EEA1: variants seen among roughly 807,000 people sequenced by gnomAD.
The protein encoded by EEA1 is early endosome antigen 1.
A neutral mutation model predicts 209.2 loss-of-function variants in EEA1; 111 were observed. The ratio of observed to expected loss-of-function variants is 0.53; its 90% CI spans 0.45 to 0.62. The LOEUF is 0.62. Ranked by LOEUF, EEA1 falls within the 20% of genes least tolerant of loss-of-function variation. EEA1 has a pLI of 0.00. For synonymous variants in EEA1, 536 were observed against 540.6 expected, an observed-to-expected ratio of 0.99 and a Z score of 0.12; for missense variants, 1,343 against 1,530.8, an observed-to-expected ratio of 0.88 and a Z score of 2.05.
In EEA1 at chr12:92,870,109, C is replaced by A. The variant is rs117731161; in HGVS notation, c.118-5122G>T. ...TTGCAAATAATACCTATCATAGAAA[C>A]CTCCTGGGGTAGAGATTGTACCTTA... On this transcript the variant is annotated intron_variant, in intron 2 of 28. Transcript: ENST00000322349. Among the ~76,000 whole-genome samples the A allele has an allele frequency of 4.5e-4, 69 of 152,220 alleles. 2 individuals are homozygous for A. In the East Asian group the frequency reaches 0.011, roughly 23 times the overall value.
chr12:92,865,092 G>T, intron 2 of EEA1, 105 bp from the exon 3 acceptor site: 2 of 846,208 alleles, frequency 2.4e-6, no homozygotes, highest in Non-Finnish European at 3.3e-6. Context: ...TACCAATGGT[G>T]CCATTAGGTA....
intron 2 of EEA1, chr12:92,884,541 ACAAT>A: frequency 1.3e-6 from 2 of 1,496,694 alleles, no homozygotes; most frequent in Non-Finnish European, 1.8e-6. Context: ...GGCAATTACA[ACAAT>A]CAGTCTTCAA....
intron 17 of EEA1, among the ~76,000 whole-genome samples, chr12:92,810,002 T>C (rs773473133): frequency 2.0e-5 from 3 of 152,186 alleles, no homozygotes; most frequent in Admixed American, 1.3e-4. Context: ...CTAGATGACA[T>C]TGTTGTTCTT....
intron 2 of EEA1, among the ~76,000 whole-genome samples, chr12:92,876,278 T>G (rs1326767708): frequency 6.6e-6 from 1 of 151,868 alleles, no homozygotes; most frequent in Non-Finnish European, 1.5e-5. Context: ...CATCTCCCTA[T>G]GTTGTCCAGG....
rs879899492 is a variant in EEA1, at chr12:92,773,250, G to T, written c.*2761C>A. The T allele has an allele frequency of 2.0e-5, 3 of 151,808 alleles. No homozygotes were observed. Among genetic ancestry groups the T allele is most frequent in the South Asian group, 4.2e-4 (2 of 4,816 alleles). The allele number at this position is 151,808 out of a possible 1,614,324, so 9.4% of individuals were successfully genotyped here. On this transcript the variant is annotated 3_prime_UTR_variant, in exon 29 of 29. Coordinates refer to ENST00000322349, the MANE Select transcript of EEA1 (RefSeq NM_003566.4). ...CTAAACATTTTTATGCAAATGTAAGGTTAAAAAAAAGTGGCTTTAAAGTTC... is the reference window on the plus strand; with the variant it reads ...CTAAACATTTTTATGCAAATGTAAGTTTAAAAAAAAGTGGCTTTAAAGTTC...
chr12:92,848,709 A>G (rs1245227176), intron 9 of EEA1, among the ~76,000 whole-genome samples: 1 of 131,784 alleles, frequency 7.6e-6, no homozygotes, highest in Admixed American at 7.8e-5. Flanking sequence ...AGCAAGTTAT[A>G]TTATATTCTC....
intron 1 of EEA1, among the ~76,000 whole-genome samples, chr12:92,904,261 A>G (rs963225758): frequency 6.6e-6 from 1 of 152,130 alleles, no homozygotes; most frequent in African/African-American, 2.4e-5. Context: ...ATGCCTGGCC[A>G]AAAGTTTTCC....
intron 9 of EEA1, among the ~76,000 whole-genome samples, chr12:92,844,963 A>G (rs182015967): frequency 6.6e-6 from 1 of 152,076 alleles, no homozygotes; most frequent in African/African-American, 2.4e-5. Context: ...AGTAAGAATA[A>G]GAATAGAATT....
chr12:92,862,193 AAG>A (rs1397095022), intron 3 of EEA1, among the ~76,000 whole-genome samples: 2 of 148,318 alleles, frequency 1.3e-5, no homozygotes, highest in East Asian at 4.0e-4. Flanking sequence ...AAATGGGAAG[AAG>A]AGATACAATA....
At chr12:92,888,595 C>CAA (rs905395194) in intron 2 of EEA1, among the ~76,000 whole-genome samples, 1 of 125,272 alleles carries the variant, frequency 8.0e-6, no homozygotes, top group African/African-American at 3.0e-5. Context: ...AACAAACAAA[C>CAA]AAAAAAAAAA....
At chr12:92,807,928 G>A (rs1489090837) in intron 18 of EEA1, among the ~76,000 whole-genome samples, 4 of 152,082 alleles carry the variant, frequency 2.6e-5, no homozygotes, top group African/African-American at 7.2e-5. Context: ...ATACAAAAAT[G>A]TGTATGGAAA....
At chr12:92,847,785 T>G (rs1877444565) in intron 9 of EEA1, among the ~76,000 whole-genome samples, 1 of 152,174 alleles carries the variant, frequency 6.6e-6, no homozygotes, top group Non-Finnish European at 1.5e-5. Context: ...ATTTACTTAA[T>G]CTCATTGCCT....
chr12:92,885,272 CAA>C, intron 2 of EEA1, among the ~76,000 whole-genome samples: 1 of 152,086 alleles, frequency 6.6e-6, no homozygotes. Context: ...TAAATAGAAC[CAA>C]AGTTAGCTTT....
chr12:92,787,171 C>T (rs12310940), intron 22 of EEA1, among the ~76,000 whole-genome samples: 224 of 152,172 alleles, frequency 1.5e-3, no homozygotes, highest in African/African-American at 5.2e-3. Flanking sequence ...AAATCCCAAA[C>T]ATAGGAAAGA....
At chr12:92,852,605 C>A (rs1432436614) in intron 7 of EEA1, among the ~76,000 whole-genome samples, 7 of 152,056 alleles carry the variant, frequency 4.6e-5, no homozygotes, top group African/African-American at 1.7e-4. Flanking sequence ...ATTTATACTA[C>A]ATTATTTACT....
At chr12:92,827,847 T>G in intron 12 of EEA1, 65 bp downstream of exon 12, 1 of 1,392,606 alleles carries the variant, frequency 7.2e-7, no homozygotes, top group Non-Finnish European at 9.4e-7. Context: ...AATTAACAGA[T>G]TGATGAATCA....
intron 2 of EEA1, among the ~76,000 whole-genome samples, chr12:92,882,354 C>T (rs1879184495): frequency 6.6e-6 from 1 of 151,822 alleles, no homozygotes; most frequent in South Asian, 2.1e-4. Context: ...GTGATCTGCC[C>T]GCCTCGGCCT....
intron 2 of EEA1, among the ~76,000 whole-genome samples, chr12:92,868,256 C>T (rs61935283): frequency 0.26 from 39,200 of 152,062 alleles, 5,555 homozygotes; most frequent in Non-Finnish European, 0.32. Flanking sequence ...TGTTATTCTC[C>T]TTTTCTTCAA....
intron 2 of EEA1, among the ~76,000 whole-genome samples, chr12:92,880,929 T>C (rs886864795): frequency 6.6e-6 from 1 of 152,184 alleles, no homozygotes; most frequent in Non-Finnish European, 1.5e-5. Context: ...GCAGACCAGT[T>C]AGTGATCTCA....
Sources: allele counts gnomAD v4.1 joint callset (sites outside exome capture counted in the v4.1 genomes callset), GRCh38; gene constraint gnomAD v4.1.1; transcripts MANE v1.5; gene names NCBI Gene and HGNC (gene_info 2026-07-23, HGNC 2026-07-21).